The following SUGCT variants were observed in gnomAD, a reference collection of about 807,000 sequenced individuals.
The protein encoded by SUGCT is succinyl-CoA:glutarate-CoA transferase.
SUGCT carries 41 observed loss-of-function variants against 55.0 expected under a neutral mutation model. The observed-to-expected ratio is 0.74, with a 90% confidence interval of 0.58 to 0.97. The LOEUF (loss-of-function observed/expected upper bound fraction) is 0.97. Among genes scored for constraint, SUGCT ranks in the 50% least tolerant of loss-of-function variants. SUGCT has a pLI of 0.00. For missense variants in SUGCT, 568 were observed against 547.8 expected (o/e 1.04, Z -0.37); for synonymous variants, 187 against 200.4 (o/e 0.93, Z 0.56).
rs1399400901 is a variant in SUGCT at position 40,237,598 on chromosome 7, T to C, written c.485-37T>C. ...ATTGTACAGTGGTTTTAGCACACCC[T>C]GTGTGGTGCTGAATATGTTTATTTT... is the stretch of plus-strand genomic sequence containing the variant. On this transcript the variant is annotated intron_variant, in intron 6 of 13. Coordinates refer to ENST00000335693, the MANE Select transcript of SUGCT (RefSeq NM_001193313.2). The C allele has an allele frequency of 4.0e-6, 6 of 1,515,672 alleles. No individual in the cohort carries two copies. In the Admixed American group the frequency reaches 5.0e-5, roughly 13 times the overall value. The allele number at this position is 1,515,672 out of a possible 1,614,324, so 93.9% of individuals were successfully genotyped here.
intron 9 of SUGCT, among the ~76,000 whole-genome samples, chr7:40,380,905 C>T (rs1784837433): frequency 6.6e-6 from 1 of 152,082 alleles, no homozygotes; most frequent in African/African-American, 2.4e-5. Flanking sequence ...CAGGATTATT[C>T]ACTGTGAAAT....
At chr7:40,150,146 C>T (rs1447776979) in intron 1 of SUGCT, among the ~76,000 whole-genome samples, 1 of 152,122 alleles carries the variant, frequency 6.6e-6, no homozygotes, top group Non-Finnish European at 1.5e-5. Flanking sequence ...AGATTCTGAC[C>T]CTCCCAGAAC....
intron 12 of SUGCT, among the ~76,000 whole-genome samples, chr7:40,666,037 G>A (rs1444414819): frequency 2.0e-5 from 3 of 152,076 alleles, no homozygotes; most frequent in Non-Finnish European, 2.9e-5. Flanking sequence ...TTGAATGGGA[G>A]AACTGCTTCT....
chr7:40,214,849 G>T (rs1428867672), intron 6 of SUGCT, among the ~76,000 whole-genome samples: 2 of 151,940 alleles, frequency 1.3e-5, no homozygotes, highest in African/African-American at 4.8e-5. Context: ...GGGAGGCGGA[G>T]GTTGCAGTGA....
chr7:40,986,284 A>G, the SUGCT span, among the ~76,000 whole-genome samples: 2 of 152,358 alleles, frequency 1.3e-5, no homozygotes, highest in Middle Eastern at 6.8e-3. Context: ...AAATCAGAAT[A>G]TGTGAATGTG....
chr7:40,356,173 A>T (rs1161941975), intron 9 of SUGCT, among the ~76,000 whole-genome samples: 1 of 152,256 alleles, frequency 6.6e-6, no homozygotes, highest in African/African-American at 2.4e-5. Flanking sequence ...ATCTTCTGAC[A>T]GCGCAGGAAG....
At chr7:40,514,820 A>G (rs1793147878) in intron 12 of SUGCT, among the ~76,000 whole-genome samples, 1 of 151,694 alleles carries the variant, frequency 6.6e-6, no homozygotes. Flanking sequence ...CTTTTCAGGT[A>G]TTAAGGAACT....
chr7:40,674,672 A>C (rs1409594091), intron 12 of SUGCT, among the ~76,000 whole-genome samples: 1 of 152,204 alleles, frequency 6.6e-6, no homozygotes, highest in Non-Finnish European at 1.5e-5. Context: ...ATGTATAAAA[A>C]TGACTCTAGT....
intron 12 of SUGCT, among the ~76,000 whole-genome samples, chr7:40,696,855 A>C (rs1267451264): frequency 6.6e-6 from 1 of 152,218 alleles, no homozygotes; most frequent in Non-Finnish European, 1.5e-5. Flanking sequence ...TAAGCAGCCT[A>C]GGGAAGGCAA....
chr7:40,737,853 G>A (rs537984486), intron 12 of SUGCT, among the ~76,000 whole-genome samples: 1 of 152,158 alleles, frequency 6.6e-6, no homozygotes, highest in South Asian at 2.1e-4. Flanking sequence ...TAACCCAGGA[G>A]GTGGAGGTTG....
At chr7:40,385,712 A>G (rs190678364) in intron 9 of SUGCT, among the ~76,000 whole-genome samples, 2 of 40,414 alleles carry the variant, frequency 4.9e-5, no homozygotes, top group Admixed American at 8.2e-4. Flanking sequence ...TGGTACATAG[A>G]TGTGTTTCAT....
intron 13 of SUGCT, among the ~76,000 whole-genome samples, chr7:40,770,651 A>G (rs1383897114): frequency 6.6e-6 from 1 of 152,212 alleles, no homozygotes; most frequent in Non-Finnish European, 1.5e-5. Context: ...CCTGGTGATG[A>G]AGAGTGGCAT....
intron 12 of SUGCT, among the ~76,000 whole-genome samples, chr7:40,537,636 G>A (rs1794439797): frequency 6.6e-6 from 1 of 152,180 alleles, no homozygotes; most frequent in African/African-American, 2.4e-5. Context: ...CTTCAGTGCA[G>A]GGTCCTCCTT....
At chr7:40,338,722 T>C (rs1201851125) in intron 9 of SUGCT, among the ~76,000 whole-genome samples, 1 of 152,218 alleles carries the variant, frequency 6.6e-6, no homozygotes, top group Non-Finnish European at 1.5e-5. Context: ...AGAAGTTTGA[T>C]CGTCTGAAGC....
At chr7:40,591,433 A>G (rs1408550971) in intron 12 of SUGCT, among the ~76,000 whole-genome samples, 1 of 152,220 alleles carries the variant, frequency 6.6e-6, no homozygotes, top group Admixed American at 6.5e-5. Flanking sequence ...ATTGAGATGG[A>G]ATCTATTCCT....
intron 8 of SUGCT, among the ~76,000 whole-genome samples, chr7:40,305,017 G>A (rs1015321126): frequency 6.6e-6 from 1 of 152,196 alleles, no homozygotes; most frequent in Non-Finnish European, 1.5e-5. Context: ...TAGCCCCACA[G>A]GGTCTTGCTC....
chr7:40,991,534 G>A, the SUGCT span, among the ~76,000 whole-genome samples: 1 of 152,132 alleles, frequency 6.6e-6, no homozygotes, highest in African/African-American at 2.4e-5. Context: ...TGTAAAAAAT[G>A]CAGTATCTGT....
intron 12 of SUGCT, among the ~76,000 whole-genome samples, chr7:40,592,828 C>T (rs1797801303): frequency 6.6e-6 from 1 of 152,152 alleles, no homozygotes; most frequent in African/African-American, 2.4e-5. Flanking sequence ...CATCCCATTG[C>T]TGTTTCCCAT....
chr7:40,538,603 T>C (rs1444049699), intron 12 of SUGCT: 1 of 152,198 alleles, frequency 6.6e-6, no homozygotes, highest in Non-Finnish European at 1.5e-5. Context: ...CATTGTTACA[T>C]AAGCACTGCA....
Sources: gnomAD v4.1 joint callset for allele counts (sites outside exome capture counted in the v4.1 genomes callset) on GRCh38, gnomAD v4.1.1 for gene constraint, MANE v1.5 for transcripts, NCBI Gene and HGNC (gene_info 2026-07-23, HGNC 2026-07-21) for gene names.